ATXN2: variants seen among roughly 807,000 people sequenced by gnomAD.
ATXN2 encodes ataxin-2.
ATXN2 carries 37 observed loss-of-function variants against 138.6 expected under a neutral mutation model. That is an observed-to-expected ratio of 0.27 (90% CI 0.21 to 0.35). The LOEUF (loss-of-function observed/expected upper bound fraction) is 0.35, where lower values mean the gene tolerates loss of function less well. Ranked by LOEUF, ATXN2 falls within the 10% of genes least tolerant of loss-of-function variation. ATXN2 has a pLI of 1.00. For missense variants in ATXN2, 1,216 were observed against 1,480.3 expected, an observed-to-expected ratio of 0.82 and a Z score of 2.93; for synonymous variants, 549 against 543.7, an observed-to-expected ratio of 1.01 and a Z score of -0.13.
At chr12:111,579,824 C>G (rs776765704) in intron 1 of ATXN2, among the ~76,000 whole-genome samples, 5 of 151,410 alleles carry the variant, frequency 3.3e-5, no homozygotes, top group Admixed American at 6.6e-5. Context: ...TCAGCCCCCC[C>G]GAGTAGCTGG....
intron 16 of ATXN2, among the ~76,000 whole-genome samples, chr12:111,486,510 T>C (rs1240760580): frequency 1.3e-5 from 2 of 152,226 alleles, no homozygotes; most frequent in African/African-American, 4.8e-5. Flanking sequence ...ACAGCCTAGC[T>C]AGCCAACCAT....
At chr12:111,528,236 A>G (rs1370562245) in intron 5 of ATXN2, among the ~76,000 whole-genome samples, 45 of 152,224 alleles carry the variant, frequency 3.0e-4, no homozygotes, top group Admixed American at 2.9e-3. Flanking sequence ...ATTTTTATAG[A>G]ACCATATAAA....
Position 111,453,883 on chromosome 12 carries a change from C to A in ATXN2, c.3271-38G>T. 6.4e-7 allele frequency: 1 copy of A among 1,565,940 alleles called. No individual in the cohort carries two copies. The highest frequency in any genetic ancestry group is 8.7e-7 in the Non-Finnish European group (1 of 1,151,188). ...GCTCTTTTACGCATACAGGCAACAT[C>A]TCCGGCTTCAACAACATGTCAACTG... On this transcript the variant is annotated intron_variant, in intron 23 of 24. Coordinates refer to ENST00000673436, the MANE Select transcript of ATXN2 (RefSeq NM_001372574.1). This position sits in a 1 kb window ranked among gnomAD's most constrained non-coding sequence, Gnocchi z 5.4.
rs746198949 is a variant in ATXN2 at position 111,598,966 on chromosome 12, CTGCTGCTGCTGT to C, written c.57_68del (p.Gln25_Gln28del). ...CGGGCGGCGGCTGCTGCTGCTGCTG[CTGCTGCTGCTGT>C]TGCTGCTGCTGCTGCTGCTGCTGCT... On this transcript the variant is annotated inframe_deletion, in exon 1 of 25. Transcript: ENST00000673436. The surrounding 1 kb of genome is among the most constrained non-coding windows in gnomAD (Gnocchi z 4.5). 1.6e-4 allele frequency: 235 copies of C among 1,502,910 alleles called. No individual in the cohort carries two copies. In the East Asian group the frequency reaches 2.0e-3, roughly 13 times the overall value. 93.1% of individuals were successfully genotyped at this position (1,502,910 alleles called of 1,614,324 possible).
At chr12:111,599,668 C>T (rs777540151), upstream of ATXN2, 23 of 1,060,330 alleles carry the variant, frequency 2.2e-5, no homozygotes, top group Admixed American at 1.0e-4. Context: ...GGGTTGCTTT[C>T]TCGGGGGTCG....
chr12:111,515,905 G>C (rs1157404060), intron 10 of ATXN2, among the ~76,000 whole-genome samples: 2 of 152,184 alleles, frequency 1.3e-5, no homozygotes, highest in Non-Finnish European at 2.9e-5. Context: ...GGGCTGTAAA[G>C]AAGCATAATT....
At position 111,588,691 on chromosome 12, in the gene ATXN2, TA is replaced by T. The variant is rs946418375; in HGVS notation, c.251+10092del. ...AGTTTTCATAAACAACCCAGACTCATAAAAAAAATACCAAACCAGGCCGGAC... is the reference window on the plus strand; with the variant it reads ...AGTTTTCATAAACAACCCAGACTCATAAAAAAATACCAAACCAGGCCGGAC... On this transcript the variant is annotated intron_variant, in intron 1 of 24. Transcript: ENST00000673436. Among the ~76,000 whole-genome samples the T allele has an allele frequency of 2.0e-5, 3 of 150,062 alleles. No homozygotes were observed. The Admixed American group carries it at 2.0e-4, about 10-fold the overall frequency.
intron 3 of ATXN2, 98 bp downstream of exon 3, chr12:111,554,060 C>A: frequency 1.3e-6 from 1 of 788,448 alleles, no homozygotes; most frequent in Non-Finnish European, 2.0e-6. Flanking sequence ...ATGATCTAAG[C>A]AATGTTACTT....
At chr12:111,513,626 T>TGC in intron 10 of ATXN2, 87 bp from the exon 11 acceptor site, 1 of 1,118,690 alleles carries the variant, frequency 8.9e-7, no homozygotes, top group African/African-American at 1.6e-5. Context: ...CACACACACA[T>TGC]GCACACACAC....
chr12:111,507,663 C>T (rs902815281), intron 14 of ATXN2, among the ~76,000 whole-genome samples: 3 of 152,340 alleles, frequency 2.0e-5, no homozygotes, highest in Admixed American at 1.3e-4. Context: ...GGAGGTGTAC[C>T]CAACAGCTTA....
rs1882161433 is a variant in ATXN2, at chr12:111,552,244, T to C, written c.571+36A>G. The C allele has an allele frequency of 6.5e-7, 1 of 1,537,334 alleles. No homozygotes were observed. Among genetic ancestry groups the C allele is most frequent in the African/African-American group, 1.4e-5 (1 of 70,198 alleles). ...AAAATCTTTGCTTGAATAAATCTAA[T>C]AAACCATGAGGCATATTTAGGAAAT... is the stretch of plus-strand genomic sequence containing the variant. On this transcript the variant is annotated intron_variant, in intron 5 of 24. Coordinates refer to ENST00000673436, the MANE Select transcript of ATXN2 (RefSeq NM_001372574.1). This position sits in a 1 kb window ranked among gnomAD's most constrained non-coding sequence, Gnocchi z 4.1.
intron 2 of ATXN2, among the ~76,000 whole-genome samples, chr12:111,555,084 C>T (rs772622545): frequency 9.9e-5 from 15 of 152,048 alleles, no homozygotes; most frequent in Non-Finnish European, 1.9e-4. Flanking sequence ...CCTTCATGTC[C>T]GGTTCAATTT....
chr12:111,529,102 G>A (rs1880664096), intron 5 of ATXN2, among the ~76,000 whole-genome samples: 1 of 151,808 alleles, frequency 6.6e-6, no homozygotes, highest in African/African-American at 2.4e-5. Flanking sequence ...TTACAGGCAT[G>A]AGCCACTATG....
intron 5 of ATXN2, among the ~76,000 whole-genome samples, chr12:111,528,186 C>T (rs1880607000): frequency 6.6e-6 from 1 of 152,136 alleles, no homozygotes; most frequent in Non-Finnish European, 1.5e-5. Context: ...AAAAACAATA[C>T]TCTTTTGATT....
At chr12:111,575,877 T>C (rs1883608728) in intron 1 of ATXN2, among the ~76,000 whole-genome samples, 1 of 151,412 alleles carries the variant, frequency 6.6e-6, no homozygotes, top group African/African-American at 2.4e-5. Context: ...AGGTCAGGAG[T>C]TCCAGAACAG....
In ATXN2 at chr12:111,599,241, G is replaced by A; in HGVS notation, c.-207C>T. The A allele has an allele frequency of 8.3e-7, 1 of 1,207,982 alleles. No individual in the cohort carries two copies. Among genetic ancestry groups the A allele is most frequent in the Non-Finnish European group, 1.0e-6 (1 of 975,234 alleles). The allele number at this position is 1,207,982 out of a possible 1,614,324, so 74.8% of individuals were successfully genotyped here. A position where few individuals can be genotyped will look rare whatever the true frequency, so the allele number is the denominator to read the frequency against. On this transcript the variant is annotated 5_prime_UTR_variant, in exon 1 of 25. Coordinates refer to ENST00000673436, the MANE Select transcript of ATXN2 (RefSeq NM_001372574.1). ...GGCCCGCCGAGACCAAGGAGCCGCCGGGAGCCGGGCCGAAACGCGCCGCCG... is the reference window on the plus strand; with the variant it reads ...GGCCCGCCGAGACCAAGGAGCCGCCAGGAGCCGGGCCGAAACGCGCCGCCG...
chr12:111,541,567 T>A (rs891518222), intron 5 of ATXN2, among the ~76,000 whole-genome samples: 23 of 148,244 alleles, frequency 1.6e-4, no homozygotes, highest in African/African-American at 5.1e-4. Context: ...GTCAGGCTGG[T>A]CATGATCTGC....
At chr12:111,566,068 A>G (rs1010956847) in intron 1 of ATXN2, among the ~76,000 whole-genome samples, 3 of 152,128 alleles carry the variant, frequency 2.0e-5, no homozygotes, top group Non-Finnish European at 2.9e-5. Flanking sequence ...AAATGTTTTC[A>G]TAACTGCTAA....
At position 111,581,455 on chromosome 12, in the gene ATXN2, G is replaced by A. The variant is rs113838838; in HGVS notation, c.251+17329C>T. On this transcript the variant is annotated intron_variant, in intron 1 of 24. Transcript: ENST00000673436. Reference sequence around the variant, plus strand: ...CTAACTATGAGATGCTCAAGGAGGAGCAAGAGGTGGCTGTGCTGGGGGCAC... The same window carrying A: ...CTAACTATGAGATGCTCAAGGAGGAACAAGAGGTGGCTGTGCTGGGGGCAC... 24 of 860,946 alleles carry A rather than the reference G, an allele frequency of 2.8e-5. 3 individuals are homozygous for A. Among genetic ancestry groups the A allele is most frequent in the African/African-American group, 1.7e-4 (10 of 60,118 alleles). The allele number at this position is 860,946 out of a possible 1,614,324, so 53.3% of individuals were successfully genotyped here.
Sources: gnomAD v4.1 joint callset for allele counts (sites outside exome capture counted in the v4.1 genomes callset) on GRCh38, gnomAD v4.1.1 for gene constraint, Gnocchi (gnomAD v3.1) non-coding constraint, MANE v1.5 for transcripts, NCBI Gene and HGNC (gene_info 2026-07-23, HGNC 2026-07-21) for gene names.